The following VAV3 variants were observed in gnomAD, a reference collection of about 807,000 sequenced individuals.
VAV3 encodes guanine nucleotide exchange factor VAV3.
Under a neutral mutation model 131.2 loss-of-function variants are expected in VAV3, and 94 were observed. The ratio of observed to expected loss-of-function variants is 0.72; its 90% CI spans 0.61 to 0.85. The LOEUF (loss-of-function observed/expected upper bound fraction) is 0.85, where lower values mean the gene tolerates loss of function less well. Ranked by LOEUF, VAV3 falls within the 40% of genes least tolerant of loss-of-function variation. The probability of loss-of-function intolerance (pLI) is 0.00; values close to 1 mark genes in which losing one functional copy is unlikely to be tolerated. For synonymous variants in VAV3, 349 were observed against 342.0 expected, an observed-to-expected ratio of 1.02 and a Z score of -0.22; for missense variants, 939 against 1,002.7, an observed-to-expected ratio of 0.94 and a Z score of 0.86.
At chr1:107,815,147 A>G (rs1026402272) in intron 2 of VAV3, among the ~76,000 whole-genome samples, 1 of 152,238 alleles carries the variant, frequency 6.6e-6, no homozygotes, top group African/African-American at 2.4e-5. Context: ...GTGTATCTGA[A>G]TCACCTTCCC....
chr1:107,629,945 C>T (rs1342155213), intron 20 of VAV3, among the ~76,000 whole-genome samples: 2 of 152,098 alleles, frequency 1.3e-5, no homozygotes, highest in African/African-American at 2.4e-5. Flanking sequence ...GTGAAGTCAT[C>T]AACTTGCAAA....
At chr1:107,914,494 T>G (rs766284846) in intron 1 of VAV3, among the ~76,000 whole-genome samples, 8 of 152,190 alleles carry the variant, frequency 5.3e-5, no homozygotes, top group Non-Finnish European at 1.0e-4. Flanking sequence ...GATTAAACAA[T>G]TTCTCTCCCA....
At chr1:107,822,742 T>C (rs935256860) in intron 2 of VAV3, among the ~76,000 whole-genome samples, 1 of 152,120 alleles carries the variant, frequency 6.6e-6, no homozygotes, top group African/African-American at 2.4e-5. Context: ...ACTTGGTTAC[T>C]GTAATAGTCC....
chr1:107,779,168 TAA>T (rs34837829), intron 3 of VAV3, among the ~76,000 whole-genome samples: 38 of 140,400 alleles, frequency 2.7e-4, no homozygotes, highest in Admixed American at 3.5e-4. Context: ...GGAGGAAAGT[TAA>T]AAAAAAAAAA....
intron 1 of VAV3, among the ~76,000 whole-genome samples, chr1:107,936,520 A>G (rs906346686): frequency 2.0e-5 from 3 of 152,184 alleles, no homozygotes; most frequent in African/African-American, 7.2e-5. Context: ...GACAAAAATT[A>G]CTGCTGCCCT....
chr1:107,669,130 A>T (rs1348932792), intron 19 of VAV3: 3 of 1,089,460 alleles, frequency 2.8e-6, no homozygotes, highest in Non-Finnish European at 3.4e-6. Context: ...AGACAGAAAA[A>T]TTCTTGGCTG....
At chr1:107,689,739 TTTC>T (rs1659293210) in intron 17 of VAV3, among the ~76,000 whole-genome samples, 1 of 152,202 alleles carries the variant, frequency 6.6e-6, no homozygotes, top group South Asian at 2.1e-4. Flanking sequence ...AGTTACTTCA[TTTC>T]TTCTTTTCCT....
chr1:107,584,690 C>T (rs2101023586), intron 25 of VAV3, among the ~76,000 whole-genome samples: 1 of 152,252 alleles, frequency 6.6e-6, no homozygotes, highest in South Asian at 2.1e-4. Flanking sequence ...AAGTCCAAAG[C>T]TGTAACAAGG....
chr1:107,616,471 A>C (rs920097435), intron 21 of VAV3, among the ~76,000 whole-genome samples: 1 of 152,188 alleles, frequency 6.6e-6, no homozygotes, highest in African/African-American at 2.4e-5. Flanking sequence ...GGATCTAAAC[A>C]CTACCTATCA....
intron 12 of VAV3, among the ~76,000 whole-genome samples, chr1:107,753,948 G>C (rs1282627658): frequency 1.3e-5 from 2 of 152,122 alleles, no homozygotes; most frequent in Admixed American, 6.5e-5. Flanking sequence ...AAAAATAATA[G>C]GAGATTAGGA....
chr1:107,667,915 G>C (rs1052049493), intron 19 of VAV3, among the ~76,000 whole-genome samples: 1 of 152,096 alleles, frequency 6.6e-6, no homozygotes, highest in Non-Finnish European at 1.5e-5. Flanking sequence ...GCAGAGACTT[G>C]AGGGGCCATC....
chr1:107,612,951 T>C (rs1484786919), intron 21 of VAV3, among the ~76,000 whole-genome samples: 1 of 152,118 alleles, frequency 6.6e-6, no homozygotes, highest in East Asian at 1.9e-4. Context: ...CTCATCCTAG[T>C]GCCATTCCTT....
chr1:107,784,579 G>T (rs1302383828), intron 2 of VAV3, among the ~76,000 whole-genome samples: 1 of 152,232 alleles, frequency 6.6e-6, no homozygotes, highest in South Asian at 2.1e-4. Flanking sequence ...CATAAATTTA[G>T]ACACCCCTGA....
chr1:107,844,835 C>T (rs113066279), intron 2 of VAV3, among the ~76,000 whole-genome samples: 129 of 152,316 alleles, frequency 8.5e-4, no homozygotes, highest in African/African-American at 3.0e-3. Context: ...CTCCCATCTC[C>T]CTGGGACAGA....
At chr1:107,958,634 T>G (rs112304960) in intron 1 of VAV3, among the ~76,000 whole-genome samples, 1 of 152,258 alleles carries the variant, frequency 6.6e-6, no homozygotes, top group South Asian at 2.1e-4. Context: ...ACTTATTTTT[T>G]TTTATCATTA....
At chr1:107,840,419 G>A (rs1047051802) in intron 2 of VAV3, among the ~76,000 whole-genome samples, 4 of 152,172 alleles carry the variant, frequency 2.6e-5, no homozygotes, top group African/African-American at 9.7e-5. Flanking sequence ...ATCAAAGGAT[G>A]TTCATTAATA....
intron 5 of VAV3, among the ~76,000 whole-genome samples, chr1:107,771,401 C>T (rs540051208): frequency 1.1e-4 from 16 of 152,104 alleles, no homozygotes; most frequent in African/African-American, 3.9e-4. Context: ...TACAGGTGCC[C>T]GCCGCCACGC....
At chr1:107,906,339 C>T (rs1008290044) in intron 1 of VAV3, among the ~76,000 whole-genome samples, 1 of 152,200 alleles carries the variant, frequency 6.6e-6, no homozygotes, top group Non-Finnish European at 1.5e-5. Flanking sequence ...CACATGTCAA[C>T]ATAAGCTTCA....
At chr1:107,683,364 A>G in intron 19 of VAV3, 124 bp downstream of exon 19, 1 of 1,110,134 alleles carries the variant, frequency 9.0e-7, no homozygotes, top group Non-Finnish European at 1.4e-6. Context: ...CTGGTCACAC[A>G]TTATACACCA....
Sources: allele counts gnomAD v4.1 joint callset (sites outside exome capture counted in the v4.1 genomes callset), GRCh38; gene constraint gnomAD v4.1.1; transcripts MANE v1.5; gene names NCBI Gene and HGNC (gene_info 2026-07-23, HGNC 2026-07-21).